The following ATP8B3 variants were observed in gnomAD, a reference collection of about 807,000 sequenced individuals.
ATP8B3 encodes phospholipid-transporting ATPase IK.
ATP8B3 carries 141 observed loss-of-function variants against 140.9 expected under a neutral mutation model. The observed-to-expected ratio is 1.00, with a 90% confidence interval of 0.87 to 1.15. ATP8B3 has a LOEUF of 1.15. ATP8B3 is among the 50% of genes most tolerant of loss of function. The probability of loss-of-function intolerance (pLI) is 0.00; values close to 1 mark genes in which losing one functional copy is unlikely to be tolerated. For missense variants in ATP8B3, 1,874 were observed against 1,740.6 expected (o/e 1.08, Z -1.36); for synonymous variants, 765 against 714.6 (o/e 1.07, Z -1.13).
chr19:1,809,859 G>A, intron 3 of ATP8B3, 125 bp from the exon 4 acceptor site: 1 of 824,972 alleles, frequency 1.2e-6, no homozygotes, highest in Admixed American at 2.2e-5. Flanking sequence ...AGATGTCAGA[G>A]CCCGTAAACA....
rs2068517797 is a variant in ATP8B3 at position 1,791,774 on chromosome 19, A to G, written c.2278T>C (p.Trp760Arg). The G allele has an allele frequency of 6.2e-7, 1 of 1,611,738 alleles. No homozygotes were observed. Among genetic ancestry groups the G allele is most frequent in the Non-Finnish European group, 8.5e-7 (1 of 1,179,736 alleles). ...KCLKKSNIKI[W>R]VLTGDKQETA... ...CCCTGCTTGTCCCCGGTGAGCACCC[A>G]TATTTTGATGTTGCTCTTCTTGAGA... Residue 760 changes from tryptophan (W) to arginine (R), a missense_variant, in exon 20 of 29, where the codon TGG (tryptophan) becomes CGG (arginine). By Grantham distance (101) the Trp-to-Arg change is moderately radical (BLOSUM62 -3). This residue lies in a region of ATP8B3 where 840 missense variants were observed against 760.9 expected (regional missense o/e 1.10). Coordinates refer to ENST00000310127, the MANE Select transcript of ATP8B3 (RefSeq NM_138813.4).
intron 14 of ATP8B3, chr19:1,799,382 C>T (rs2068772041): frequency 6.5e-6 from 1 of 154,318 alleles, no homozygotes; most frequent in South Asian, 2.1e-4. Context: ...GAGAATCAAC[C>T]CAGGAGGCGG....
chr19:1,807,078 A>T lies in ATP8B3; in HGVS notation c.615+90T>A. The T allele has an allele frequency of 8.3e-7, 1 of 1,203,068 alleles. No individual in the cohort carries two copies. Among genetic ancestry groups the T allele is most frequent in the Non-Finnish European group, 1.2e-6 (1 of 819,014 alleles). The allele number at this position is 1,203,068 out of a possible 1,614,324, so 74.5% of individuals were successfully genotyped here. A position where few individuals can be genotyped will look rare whatever the true frequency, so the allele number is the denominator to read the frequency against. ...GTTCCCCTAATGCTCCAGGAAGCCCAGCCCTCCTCCCACTCTCGCCCAGGG... is the reference window on the plus strand; with the variant it reads ...GTTCCCCTAATGCTCCAGGAAGCCCTGCCCTCCTCCCACTCTCGCCCAGGG... On this transcript the variant is annotated intron_variant, in intron 6 of 28. Coordinates refer to ENST00000310127, the MANE Select transcript of ATP8B3 (RefSeq NM_138813.4). The surrounding 1 kb of genome is among the most constrained non-coding windows in gnomAD (Gnocchi z 5.9).
At chr19:1,784,707 T>G in intron 28 of ATP8B3, 112 bp downstream of exon 28, 1 of 1,379,154 alleles carries the variant, frequency 7.3e-7, no homozygotes, top group Admixed American at 2.7e-5. Context: ...GCCTAGTGTC[T>G]TGGAGGGCCG....
chr19:1,809,879 GCAGCA>G, intron 3 of ATP8B3, 145 bp from the exon 4 acceptor site: 1 of 728,172 alleles, frequency 1.4e-6, no homozygotes, highest in South Asian at 1.6e-5. Flanking sequence ...AGACAGTCGG[GCAGCA>G]GGCACCACCT....
chr19:1,802,556 C>T lies in ATP8B3; in HGVS notation c.994G>A (p.Gly332Ser). Reference sequence around the variant, plus strand: ...CTGCAGCCTCGGAGGAGGAGGTTGCCAATGTCCAGGGAGTATTTCTTGTCA... The same window carrying T: ...CTGCAGCCTCGGAGGAGGAGGTTGCTAATGTCCAGGGAGTATTTCTTGTCA... ...WNDKKYSLDI[G>S]NLLLRGCRIR... Residue 332 changes from glycine to serine, a missense_variant, in exon 11 of 29, where the codon GGC becomes AGC. Coordinates refer to ENST00000310127, the MANE Select transcript of ATP8B3 (RefSeq NM_138813.4). The T allele has an allele frequency of 6.2e-7, 1 of 1,610,960 alleles. No individual in the cohort carries two copies. The highest frequency in any genetic ancestry group is 8.5e-7 in the Non-Finnish European group (1 of 1,179,452).
intron 10 of ATP8B3, among the ~76,000 whole-genome samples, chr19:1,804,662 T>C (rs556514654): frequency 5.6e-4 from 84 of 150,948 alleles, no homozygotes; most frequent in African/African-American, 1.9e-3. Flanking sequence ...AAAAATTAGC[T>C]GGGAGTGGTG....
chr19:1,789,855 C>T, intron 22 of ATP8B3, 35 bp downstream of exon 22: 1 of 1,607,416 alleles, frequency 6.2e-7, no homozygotes, highest in Non-Finnish European at 8.5e-7. Flanking sequence ...CTCCCTGGCG[C>T]CGGGACCCCG....
rs771994703 is a variant in ATP8B3, at chr19:1,791,859, C to T, written c.2193G>A (p.Leu731=). 2.5e-6 allele frequency: 4 copies of T among 1,610,624 alleles called. No homozygotes were observed. In the East Asian group the frequency reaches 8.9e-5, roughly 36 times the overall value. ...LQNRAQALQQ[L]LGATAIEDRL... Reference sequence around the variant, plus strand: ...TGTCCTCGATGGCTGTGGCTCCCAGCAGCTGGTGGGGGAGGAGGGCAGGGC... The same window carrying T: ...TGTCCTCGATGGCTGTGGCTCCCAGTAGCTGGTGGGGGAGGAGGGCAGGGC... The change falls in exon 20 of 29, where the codon CTG becomes CTA. Residue 731 remains leucine (L), a splice_region_variant and synonymous_variant. Coordinates refer to ENST00000310127, the MANE Select transcript of ATP8B3 (RefSeq NM_138813.4).
intron 28 of ATP8B3, among the ~76,000 whole-genome samples, chr19:1,784,384 A>G (rs8102942): frequency 0.47 from 71,099 of 151,824 alleles, 16,943 homozygotes; most frequent in Middle Eastern, 0.57. Context: ...GCGTGGTGGT[A>G]CATGCCCGTG....
intron 16 of ATP8B3, 98 bp from the exon 17 acceptor site, chr19:1,796,363 A>G: frequency 8.4e-7 from 1 of 1,191,748 alleles, no homozygotes; most frequent in Non-Finnish European, 1.2e-6. Flanking sequence ...CTACACCTTT[A>G]TTGATGGTGG....
chr19:1,785,206 T>C lies in ATP8B3; in HGVS notation c.3485A>G (p.Gln1162Arg). ...GGATACTCTGAAGAGCCAGAAGCTCTGGGTGGTGGTAGTCATGATGGCGTA... is the reference window on the plus strand; with the variant it reads ...GGATACTCTGAAGAGCCAGAAGCTCCGGGTGGTGGTAGTCATGATGGCGTA... Reference protein sequence around the residue: ...GFYAIMTTTTQSFWLFRVSPT... With the variant: ...GFYAIMTTTTRSFWLFRVSPT... The change falls in exon 27 of 29, where the codon CAG becomes CGG. Residue 1162 changes from glutamine (Q) to arginine (R), a missense_variant. Physicochemically the swap from Gln to Arg is conservative, Grantham distance 43. Coordinates refer to ENST00000310127, the MANE Select transcript of ATP8B3 (RefSeq NM_138813.4). The C allele has an allele frequency of 6.2e-7, 1 of 1,605,414 alleles. No homozygotes were observed. The highest frequency in any genetic ancestry group is 8.5e-7 in the Non-Finnish European group (1 of 1,175,972).
intron 18 of ATP8B3, among the ~76,000 whole-genome samples, chr19:1,795,560 AAAAG>A (rs759834916): frequency 2.6e-5 from 4 of 152,072 alleles, no homozygotes; most frequent in African/African-American, 4.8e-5. Context: ...CAAAGAAAAG[AAAAG>A]AAAGACAAGA....
chr19:1,802,718 G>A, intron 10 of ATP8B3, 73 bp from the exon 11 acceptor site: 1 of 1,521,156 alleles, frequency 6.6e-7, no homozygotes, highest in East Asian at 2.4e-5. Flanking sequence ...ACCGGGTGCA[G>A]GTGAGAACAT....
rs1185076859 is a variant in ATP8B3, at chr19:1,798,660, C to T, written c.1552+1287G>A. On this transcript the variant is annotated intron_variant, in intron 14 of 28. Coordinates refer to ENST00000310127, the MANE Select transcript of ATP8B3 (RefSeq NM_138813.4). The stretch of plus-strand genomic sequence containing the variant: ...GGCTGAGGCAGGAGAATGGCGTGAA[C>T]CCGGGAAGTGGAGCTTGCAGTGAGC... 2.0e-5 allele frequency: 3 copies of T among 151,840 alleles called. 1 individual carries two copies. The highest frequency in any genetic ancestry group is 7.3e-5 in the African/African-American group (3 of 41,210). 9.4% of individuals were successfully genotyped at this position (151,840 alleles called of 1,614,324 possible).
At chr19:1,790,303 C>A (rs1231683188) in intron 21 of ATP8B3, among the ~76,000 whole-genome samples, 1 of 12,520 alleles carries the variant, frequency 8.0e-5, no homozygotes, top group East Asian at 1.9e-3. Flanking sequence ...CTCCCCTCCC[C>A]CTCCCTCCAC....
At position 1,806,610 on chromosome 19, in the gene ATP8B3, C is replaced by T. The variant is rs1219408349; in HGVS notation, c.677+18G>A. On this transcript the variant is annotated intron_variant, in intron 7 of 28. Transcript: ENST00000310127. This position sits in a 1 kb window ranked among gnomAD's most constrained non-coding sequence, Gnocchi z 5.6. ...CCCCCGTGTCCCCGCGGATCCCCAGCTGCAGCCCCAGCCTCACCTCTTCCC... is the reference window on the plus strand; with the variant it reads ...CCCCCGTGTCCCCGCGGATCCCCAGTTGCAGCCCCAGCCTCACCTCTTCCC... 2 of 1,553,252 alleles carry T rather than the reference C, an allele frequency of 1.3e-6. No homozygotes were observed. The highest frequency in any genetic ancestry group is 1.2e-5 in the South Asian group (1 of 84,164).
chr19:1,802,149 C>G (rs1316578222), intron 11 of ATP8B3, 105 bp from the exon 12 acceptor site: 1 of 733,942 alleles, frequency 1.4e-6, no homozygotes, highest in Non-Finnish European at 2.1e-6. Flanking sequence ...ACCCACCTAC[C>G]CATCCACCCC....
chr19:1,789,344 C>T lies in ATP8B3; in HGVS notation c.2845+17G>A, dbSNP rs2068412916. On this transcript the variant is annotated intron_variant, in intron 23 of 28. Transcript: ENST00000310127. Reference sequence around the variant, plus strand: ...CCACTCGTCCCAGGCACCCCCAGCCCCGCCGCCGCCACCCACTCTTGATCA... The same window carrying T: ...CCACTCGTCCCAGGCACCCCCAGCCTCGCCGCCGCCACCCACTCTTGATCA... 1 of 1,494,028 alleles carries T rather than the reference C, an allele frequency of 6.7e-7. No homozygotes were observed. The highest frequency in any genetic ancestry group is 2.5e-5 in the East Asian group (1 of 39,996). 92.5% of individuals were successfully genotyped at this position (1,494,028 alleles called of 1,614,324 possible).
Sources: gnomAD v4.1 joint callset for allele counts (sites outside exome capture counted in the v4.1 genomes callset) on GRCh38, gnomAD v4.1.1 for gene constraint, gnomAD v4.1.1 regional missense constraint, Gnocchi (gnomAD v3.1) non-coding constraint, MANE v1.5 for transcripts, NCBI Gene and HGNC (gene_info 2026-07-23, HGNC 2026-07-21) for gene names.